The following GRID2 variants were observed in gnomAD, a reference collection of about 807,000 sequenced individuals.
The protein encoded by GRID2 is glutamate receptor ionotropic, delta-2.
In GRID2, 33 loss-of-function variants were observed where a neutral mutation model predicts 114.8. The observed-to-expected ratio is 0.29, with a 90% CI of 0.22 to 0.38. The LOEUF (loss-of-function observed/expected upper bound fraction) is 0.38. Among genes scored for constraint, GRID2 ranks in the 10% least tolerant of loss-of-function variants. GRID2 has a pLI of 1.00. For missense variants in GRID2, 1,184 were observed against 1,257.7 expected (o/e 0.94, Z 0.89); for synonymous variants, 505 against 449.9 (o/e 1.12, Z -1.55).
chr4:93,191,606 G>T (rs952419570), intron 4 of GRID2, among the ~76,000 whole-genome samples: 2 of 151,484 alleles, frequency 1.3e-5, no homozygotes, highest in Non-Finnish European at 2.9e-5. Context: ...ACTAAGTGTT[G>T]TTTTAAAAAA....
chr4:93,614,108 GA>G (rs1255992950), intron 13 of GRID2, among the ~76,000 whole-genome samples: 1 of 152,140 alleles, frequency 6.6e-6, no homozygotes, highest in East Asian at 1.9e-4. Flanking sequence ...CTTTGACTGG[GA>G]AAGGGAACTC....
intron 1 of GRID2, among the ~76,000 whole-genome samples, chr4:92,450,392 G>A (rs35728609): frequency 0.16 from 23,950 of 151,852 alleles, 2,409 homozygotes; most frequent in African/African-American, 0.29. Flanking sequence ...ATAAGACCTC[G>A]AAGGAACAGA....
At chr4:92,557,287 A>G (rs565573541) in intron 1 of GRID2, among the ~76,000 whole-genome samples, 1 of 151,810 alleles carries the variant, frequency 6.6e-6, no homozygotes, top group Middle Eastern at 3.2e-3. Context: ...ACAAACATTC[A>G]TATTTAAAAT....
rs1161967653 is a variant in GRID2, at chr4:93,355,651, A to G, written c.1246-39956A>G. On this transcript the variant is annotated intron_variant, in intron 8 of 15. Transcript: ENST00000282020. Reference sequence around the variant, plus strand: ...CAAACTCCACTTCTTTATCAGGAGAAGTAAAAGAATGTGTGGCCACCTTTA... The same window carrying G: ...CAAACTCCACTTCTTTATCAGGAGAGGTAAAAGAATGTGTGGCCACCTTTA... Among the ~76,000 whole-genome samples the G allele has an allele frequency of 4.6e-5, 7 of 152,232 alleles. No homozygotes were observed. In the East Asian group the frequency reaches 1.2e-3, roughly 25 times the overall value.
chr4:93,572,485 A>G (rs1736019650), intron 13 of GRID2, among the ~76,000 whole-genome samples: 1 of 152,004 alleles, frequency 6.6e-6, no homozygotes, highest in African/African-American at 2.4e-5. Flanking sequence ...TTATATTATA[A>G]TTTTGTCCTC....
chr4:93,586,730 T>C lies in GRID2; in HGVS notation c.2194-39539T>C, dbSNP rs114032909. On this transcript the variant is annotated intron_variant, in intron 13 of 15. Transcript: ENST00000282020. ...ATGATGGTCTGGATGCAAAACCTTC[T>C]GTTCCACTGGACCTGTTGCTGAATT... is the stretch of plus-strand genomic sequence containing the variant. Among the ~76,000 whole-genome samples, 604 of 152,232 alleles carry C rather than the reference T, an allele frequency of 4.0e-3. 2 individuals are homozygous for C. Among genetic ancestry groups the C allele is most frequent in the African/African-American group, 0.014 (568 of 41,548 alleles).
intron 2 of GRID2, among the ~76,000 whole-genome samples, chr4:93,058,520 G>T (rs1727474611): frequency 6.6e-6 from 1 of 151,900 alleles, no homozygotes; most frequent in East Asian, 1.9e-4. Context: ...AAGAAATCGT[G>T]GCTTTTTTTT....
At chr4:92,897,635 G>A (rs1483399335) in intron 2 of GRID2, among the ~76,000 whole-genome samples, 1 of 152,108 alleles carries the variant, frequency 6.6e-6, no homozygotes, top group African/African-American at 2.4e-5. Context: ...CTTGGAGTAG[G>A]GGGTCTTCCC....
chr4:93,628,862 T>C (rs1212942192), intron 14 of GRID2, among the ~76,000 whole-genome samples: 1 of 150,352 alleles, frequency 6.7e-6, no homozygotes, highest in African/African-American at 2.5e-5. Flanking sequence ...CCATCCCGGG[T>C]TCAAGTGATT....
chr4:93,596,578 A>T (rs1355726689), intron 13 of GRID2, among the ~76,000 whole-genome samples: 3 of 148,880 alleles, frequency 2.0e-5, no homozygotes, highest in South Asian at 2.1e-4. Context: ...ACTCGGTCTT[A>T]AAAAAAAAAG....
chr4:93,795,732 T>C (rs1462737985), intron 1 of GRID2, among the ~76,000 whole-genome samples: 1 of 152,234 alleles, frequency 6.6e-6, no homozygotes, highest in Admixed American at 6.5e-5. Context: ...CCAACGTTAT[T>C]TACACAGGAA....
chr4:93,116,898 A>G (rs1230897938), intron 4 of GRID2, among the ~76,000 whole-genome samples: 1 of 152,142 alleles, frequency 6.6e-6, no homozygotes, highest in African/African-American at 2.4e-5. Context: ...GCATAAAACC[A>G]GAGGCTGGCA....
chr4:92,443,397 G>A (rs865921083), intron 1 of GRID2, among the ~76,000 whole-genome samples: 6 of 152,126 alleles, frequency 3.9e-5, no homozygotes, highest in South Asian at 2.1e-4. Flanking sequence ...TGAGAACACA[G>A]GCCAAGGGAG....
chr4:93,569,096 G>T (rs1363671859), intron 13 of GRID2, among the ~76,000 whole-genome samples: 1 of 152,136 alleles, frequency 6.6e-6, no homozygotes, highest in Admixed American at 6.5e-5. Flanking sequence ...GCTGGTATGA[G>T]AGTATGAAAC....
intron 10 of GRID2, among the ~76,000 whole-genome samples, chr4:93,427,757 CTAA>C (rs1170631632): frequency 2.0e-5 from 3 of 151,928 alleles, no homozygotes; most frequent in African/African-American, 7.2e-5. Context: ...TATTTAAAAA[CTAA>C]TAATATAGTA....
intron 14 of GRID2, among the ~76,000 whole-genome samples, chr4:93,635,548 C>T (rs1021493716): frequency 8.6e-5 from 13 of 151,940 alleles, no homozygotes; most frequent in African/African-American, 3.1e-4. Context: ...AAGGAATATG[C>T]TATTCCTATT....
intron 5 of GRID2, among the ~76,000 whole-genome samples, chr4:93,215,674 A>T (rs1744126885): frequency 6.6e-6 from 1 of 152,106 alleles, no homozygotes; most frequent in Admixed American, 6.6e-5. Context: ...CACTTCATAA[A>T]GATCATATAT....
chr4:92,713,413 A>G (rs1417551488), intron 2 of GRID2, among the ~76,000 whole-genome samples: 1 of 148,536 alleles, frequency 6.7e-6, no homozygotes, highest in African/African-American at 2.5e-5. Context: ...TTATATAACC[A>G]AGAATAAAAT....
At chr4:93,102,583 C>T (rs558528574) in intron 3 of GRID2, among the ~76,000 whole-genome samples, 3 of 151,772 alleles carry the variant, frequency 2.0e-5, no homozygotes, top group Non-Finnish European at 2.9e-5. Flanking sequence ...ATGGAGAGTT[C>T]GAACTAACCA....
Sources: allele counts gnomAD v4.1 joint callset (sites outside exome capture counted in the v4.1 genomes callset), GRCh38; gene constraint gnomAD v4.1.1; transcripts MANE v1.5; gene names NCBI Gene and HGNC (gene_info 2026-07-23, HGNC 2026-07-21).